Variants in GJA8 observed in about 807,000 individuals in gnomAD.
The protein encoded by GJA8 is gap junction protein alpha 8, also known as gap junction alpha-8 protein.
GJA8 carries 13 observed loss-of-function variants against 15.3 expected under a neutral mutation model. The ratio of observed to expected loss-of-function variants is 0.85; its 90% confidence interval spans 0.55 to 1.35. The LOEUF is 1.35. Ranked by LOEUF, GJA8 falls within the 40% of genes most tolerant of loss-of-function variation. The pLI is 0.00. For synonymous variants in GJA8, 304 were observed against 238.7 expected, an observed-to-expected ratio of 1.27 and a Z score of -2.52; for missense variants, 607 against 553.3, an observed-to-expected ratio of 1.10 and a Z score of -0.97.
chr1:147,909,505 T>C (rs1652010478), downstream of GJA8, among the ~76,000 whole-genome samples: 1 of 152,104 alleles, frequency 6.6e-6, no homozygotes, highest in African/African-American at 2.4e-5. Context: ...ACTACCCCGC[T>C]CCTCCAACCC....
Position 147,908,012 on chromosome 1 carries a change from C to G in GJA8, c.57C>G (p.Thr19=). The part of the protein sequence containing the change: ...NILEEVNEHS[T]VIGRVWLTVL... ...TGGAGGAGGTGAATGAGCACTCCAC[C>G]GTCATCGGCAGAGTCTGGCTCACCG... is the stretch of plus-strand genomic sequence containing the variant. Residue 19 remains threonine, a synonymous_variant, in exon 2 of 2, where the codon ACC becomes ACG. Coordinates refer to ENST00000369235, the MANE Select transcript of GJA8 (RefSeq NM_005267.5). 6 of 1,614,042 alleles carry G rather than the reference C, an allele frequency of 3.7e-6. No homozygotes were observed. Among genetic ancestry groups the G allele is most frequent in the Non-Finnish European group, 3.4e-6 (4 of 1,179,896 alleles).
At position 147,909,036 on chromosome 1, in the gene GJA8, C is replaced by T. The variant is rs1558010710; in HGVS notation, c.1081C>T (p.Gln361Ter). 1 of 1,597,834 alleles carries T rather than the reference C, an allele frequency of 6.3e-7. No individual in the cohort carries two copies. The highest frequency in any genetic ancestry group is 8.5e-7 in the Non-Finnish European group (1 of 1,171,896). ...AGCAGAGAGGCTGACCACGGAGGAG[C>T]AGGAGAAGGTGGCCGTGCCAGAGGG... ...EEAERLTTEEQEKVAVPEGEK... is the reference protein window; with the variant it reads ...EEAERLTTEE Residue 361 changes from glutamine (Q) to a stop codon, truncating the protein, a stop_gained, in exon 2 of 2, where the codon CAG becomes TAG. Coordinates refer to ENST00000369235, the MANE Select transcript of GJA8 (RefSeq NM_005267.5). LOFTEE classifies it low-confidence loss of function (END_TRUNC).
At chr1:147,913,637 C>T (rs1448030813), downstream of GJA8, among the ~76,000 whole-genome samples, 1 of 152,168 alleles carries the variant, frequency 6.6e-6, no homozygotes, top group Non-Finnish European at 1.5e-5. Context: ...AACCACTGCT[C>T]CTCTCCAGTT....
downstream of GJA8, among the ~76,000 whole-genome samples, chr1:147,911,528 G>A (rs1180018889): frequency 2.0e-5 from 3 of 152,212 alleles, no homozygotes; most frequent in African/African-American, 7.2e-5. Context: ...TTGAATAGAA[G>A]AGGTATGTTT....
At chr1:147,912,629 T>G (rs1205355132), downstream of GJA8, among the ~76,000 whole-genome samples, 1 of 152,106 alleles carries the variant, frequency 6.6e-6, no homozygotes, top group Non-Finnish European at 1.5e-5. Flanking sequence ...ATGGGCTTCA[T>G]TATGTCCAGA....
intron 1 of GJA8, among the ~76,000 whole-genome samples, chr1:147,905,681 A>G (rs1651768773): frequency 1.3e-5 from 2 of 152,162 alleles, no homozygotes; most frequent in Non-Finnish European, 2.9e-5. Context: ...CCTATTTTCC[A>G]AAAGGCAATG....
chr1:147,904,655 C>T (rs142591205), intron 1 of GJA8, among the ~76,000 whole-genome samples: 3 of 152,306 alleles, frequency 2.0e-5, no homozygotes, highest in East Asian at 3.9e-4. Context: ...TCCCACAGAA[C>T]GCTTTGCTTC....
chr1:147,905,183 G>A (rs1235508639), intron 1 of GJA8, among the ~76,000 whole-genome samples: 2 of 152,174 alleles, frequency 1.3e-5, no homozygotes, highest in East Asian at 3.9e-4. Context: ...TCATATTACA[G>A]GAATTTGGGG....
downstream of GJA8, among the ~76,000 whole-genome samples, chr1:147,910,994 C>A (rs1652095577): frequency 6.6e-6 from 1 of 152,150 alleles, no homozygotes; most frequent in South Asian, 2.1e-4. Flanking sequence ...TATTTCATAC[C>A]AGGAGCAATT....
Position 147,907,984 on chromosome 1 carries a change from T to A in GJA8, c.29T>A (p.Ile10Asn). 1 of 1,614,052 alleles carries A rather than the reference T, an allele frequency of 6.2e-7. No individual in the cohort carries two copies. Among genetic ancestry groups the A allele is most frequent in the South Asian group, 1.1e-5 (1 of 91,080 alleles). Residue 10 changes from isoleucine to asparagine, a missense_variant, in exon 2 of 2, where the codon ATC becomes AAC. Coordinates refer to ENST00000369235, the MANE Select transcript of GJA8 (RefSeq NM_005267.5). MGDWSFLGN[I>N]LEEVNEHSTV... ...GGCGACTGGAGTTTCCTGGGGAACA[T>A]CTTGGAGGAGGTGAATGAGCACTCC...
At chr1:147,906,745 T>C (rs587728689) in intron 1 of GJA8, among the ~76,000 whole-genome samples, 1 of 152,282 alleles carries the variant, frequency 6.6e-6, no homozygotes, top group Non-Finnish European at 1.5e-5. Context: ...ATTGTGTAGC[T>C]TTGATTGCAG....
intron 1 of GJA8, among the ~76,000 whole-genome samples, chr1:147,907,148 A>G (rs934248771): frequency 2.6e-5 from 4 of 152,020 alleles, no homozygotes; most frequent in African/African-American, 9.7e-5. Context: ...TGGCCTCCCA[A>G]AGTTCTAGGA....
chr1:147,911,084 C>T (rs1553243412), downstream of GJA8, among the ~76,000 whole-genome samples: 1 of 152,176 alleles, frequency 6.6e-6, no homozygotes, highest in East Asian at 1.9e-4. Context: ...GCTTCATGGA[C>T]TGCAGTGCCA....
chr1:147,910,162 T>C (rs587734187), downstream of GJA8, among the ~76,000 whole-genome samples: 1 of 152,330 alleles, frequency 6.6e-6, no homozygotes, highest in East Asian at 1.9e-4. Flanking sequence ...GCCTGGCCCA[T>C]GAAATCTAAA....
At chr1:147,909,309 G>A (rs781992454), downstream of GJA8, 5 of 1,309,904 alleles carry the variant, frequency 3.8e-6, no homozygotes, top group Non-Finnish European at 5.5e-6. Context: ...AGGGCAAGAT[G>A]AAAGGAACAG....
In GJA8 at chr1:147,908,046, A is replaced by C. The variant is rs1651873035; in HGVS notation, c.91A>C (p.Ile31Leu). The change falls in exon 2 of 2, where the codon ATC becomes CTC. Residue 31 changes from isoleucine to leucine, a missense_variant. Physicochemically the swap from Ile to Leu is conservative, Grantham distance 5. Coordinates refer to ENST00000369235, the MANE Select transcript of GJA8 (RefSeq NM_005267.5). ...IGRVWLTVLFIFRILILGTAA... is the reference protein window; with the variant it reads ...IGRVWLTVLFLFRILILGTAA... ...CAGAGTCTGGCTCACCGTGCTTTTC[A>C]TCTTCCGGATCCTCATCCTTGGCAC... 3.1e-6 allele frequency: 5 copies of C among 1,614,116 alleles called. No individual in the cohort carries two copies. Among genetic ancestry groups the C allele is most frequent in the Non-Finnish European group, 4.2e-6 (5 of 1,179,992 alleles).
chr1:147,903,178 C>T (rs187211707), intron 1 of GJA8, among the ~76,000 whole-genome samples: 2 of 152,192 alleles, frequency 1.3e-5, no homozygotes, highest in East Asian at 3.8e-4. Flanking sequence ...GGGACCTAAA[C>T]CAAGTATTTG....
At chr1:147,903,663 G>T (rs1247958330) in intron 1 of GJA8, among the ~76,000 whole-genome samples, 1 of 152,126 alleles carries the variant, frequency 6.6e-6, no homozygotes, top group Non-Finnish European at 1.5e-5. Context: ...TGGTAATGGG[G>T]ATTGATAATG....
chr1:147,906,971 G>A (rs1434511949), intron 1 of GJA8, among the ~76,000 whole-genome samples: 1 of 151,640 alleles, frequency 6.6e-6, no homozygotes, highest in Non-Finnish European at 1.5e-5. Context: ...CTGCAACCTC[G>A]ACCTCCCAGG....
Sources: allele counts gnomAD v4.1 joint callset (sites outside exome capture counted in the v4.1 genomes callset), GRCh38; gene constraint gnomAD v4.1.1; transcripts MANE v1.5; gene names NCBI Gene and HGNC (gene_info 2026-07-23, HGNC 2026-07-21).